Variants in PTK2 observed in about 807,000 individuals in gnomAD.
PTK2 encodes the protein focal adhesion kinase 1.
In PTK2, 45 loss-of-function variants were observed where a neutral mutation model predicts 150.1. That is an observed-to-expected ratio of 0.30 (90% CI 0.24 to 0.38). The LOEUF is 0.38. Ranked by LOEUF, PTK2 falls within the 10% of genes least tolerant of loss-of-function variation. PTK2 has a pLI of 1.00. For synonymous variants in PTK2, 432 were observed against 449.2 expected (o/e 0.96, Z 0.48); for missense variants, 919 against 1,307.3 (o/e 0.70, Z 4.58).
intron 16 of PTK2, among the ~76,000 whole-genome samples, chr8:140,752,954 C>T (rs557380171): frequency 1.1e-4 from 17 of 152,256 alleles, no homozygotes; most frequent in Middle Eastern, 6.8e-3. Context: ...CAGAGAGGAA[C>T]GGAGGGGCCA....
chr8:140,739,188 C>A, intron 20 of PTK2, 81 bp from the exon 24 acceptor site: 1 of 914,362 alleles, frequency 1.1e-6, no homozygotes, highest in Non-Finnish European at 1.6e-6. Flanking sequence ...TTTTCAGTAT[C>A]AAAGGAAAAA....
intron 22 of PTK2, among the ~76,000 whole-genome samples, chr8:140,731,148 C>T (rs1191457641): frequency 2.0e-5 from 3 of 152,030 alleles, no homozygotes; most frequent in Non-Finnish European, 4.4e-5. Flanking sequence ...TTAGTAGAGA[C>T]GGGGTTTCAC....
chr8:140,892,111 G>C (rs2100154452), intron 2 of PTK2, among the ~76,000 whole-genome samples: 1 of 152,236 alleles, frequency 6.6e-6, no homozygotes, highest in Admixed American at 6.5e-5. Context: ...AGGAGGCTAA[G>C]GTGGGAGGAT....
chr8:140,928,028 T>A (rs1443239334), intron 1 of PTK2, among the ~76,000 whole-genome samples: 1 of 137,508 alleles, frequency 7.3e-6, no homozygotes, highest in African/African-American at 2.7e-5. Flanking sequence ...CTAGTGTGGA[T>A]CTATCCCTCA....
chr8:140,690,833 A>G (rs1231195828), intron 26 of PTK2, among the ~76,000 whole-genome samples: 1 of 152,208 alleles, frequency 6.6e-6, no homozygotes, highest in Non-Finnish European at 1.5e-5. Flanking sequence ...TATCATCATA[A>G]AATAGACAAT....
intron 1 of PTK2, among the ~76,000 whole-genome samples, chr8:140,990,383 T>A (rs1418147756): frequency 6.6e-6 from 1 of 152,002 alleles, no homozygotes; most frequent in Non-Finnish European, 1.5e-5. Flanking sequence ...TATAGGCATG[T>A]ACCACCACAC....
Position 140,963,479 on chromosome 8 carries a change from C to A in PTK2, c.-122+37646G>T, listed in dbSNP as rs113839256. On this transcript the variant is annotated intron_variant, in intron 1 of 31. Coordinates refer to ENST00000522684, the Ensembl canonical transcript of PTK2. Reference sequence around the variant, plus strand: ...ATCTCTCACCCCTAAGATCCCTGCTCTCCAATTCTATGGCCATCCATTTAA... The same window carrying A: ...ATCTCTCACCCCTAAGATCCCTGCTATCCAATTCTATGGCCATCCATTTAA... 5.6e-3 allele frequency among the ~76,000 whole-genome samples: 854 copies of A among 152,306 alleles called. 11 individuals are homozygous for A. The highest frequency in any genetic ancestry group is 0.019 in the African/African-American group (780 of 41,562).
Position 140,847,365 on chromosome 8 carries a change from C to T in PTK2, c.451-687G>A, listed in dbSNP as rs2100126204. ...AGAATCTAATGGAATTCTTGAAATG[C>T]CTTCTAAACAATGAATCAACTCAAT... On this transcript the variant is annotated intron_variant, in intron 5 of 31. Coordinates refer to ENST00000522684, the Ensembl canonical transcript of PTK2. Among the ~76,000 whole-genome samples the T allele has an allele frequency of 2.0e-5, 3 of 152,238 alleles. No homozygotes were observed. The South Asian group carries it at 6.2e-4, about 32-fold the overall frequency.
At chr8:140,796,733 C>A (rs1301271458) in intron 12 of PTK2, among the ~76,000 whole-genome samples, 1 of 152,178 alleles carries the variant, frequency 6.6e-6, no homozygotes, top group Non-Finnish European at 1.5e-5. Context: ...TAAGGACTCA[C>A]TACCTAAAAT....
At chr8:140,754,839 C>T (rs553397470) in intron 16 of PTK2, among the ~76,000 whole-genome samples, 3 of 152,154 alleles carry the variant, frequency 2.0e-5, no homozygotes, top group Non-Finnish European at 2.9e-5. Flanking sequence ...TTACAGAGAT[C>T]GGACTGCTGG....
chr8:140,775,568 C>T (rs2100077943), intron 14 of PTK2, among the ~76,000 whole-genome samples: 1 of 152,006 alleles, frequency 6.6e-6, no homozygotes, highest in Non-Finnish European at 1.5e-5. Context: ...GTCTCTAACT[C>T]CTGGGCTCAA....
intron 16 of PTK2, among the ~76,000 whole-genome samples, chr8:140,755,732 T>C (rs1345632753): frequency 6.6e-6 from 1 of 152,124 alleles, no homozygotes; most frequent in Non-Finnish European, 1.5e-5. Context: ...CCCCACCACC[T>C]AGAAACAGTA....
chr8:140,665,065 A>AT (rs953777025), intron 30 of PTK2, 68 bp from the exon 35 acceptor site: 8 of 1,384,334 alleles, frequency 5.8e-6, no homozygotes, highest in Middle Eastern at 1.8e-4. Context: ...TCAGTTATAT[A>AT]TTTTTTTATT....
chr8:140,914,608 G>A (rs1224171109), intron 2 of PTK2, among the ~76,000 whole-genome samples: 2 of 151,618 alleles, frequency 1.3e-5, no homozygotes, highest in Admixed American at 6.6e-5. Flanking sequence ...CCCAGTGTCT[G>A]TTGTTCCCTT....
chr8:140,950,956 C>T (rs1368570196), intron 1 of PTK2, among the ~76,000 whole-genome samples: 1 of 151,832 alleles, frequency 6.6e-6, no homozygotes, highest in African/African-American at 2.4e-5. Flanking sequence ...TTAGGAGGTA[C>T]CTAATAATAT....
chr8:140,719,259 T>G (rs1300759230), intron 22 of PTK2, among the ~76,000 whole-genome samples: 2 of 152,212 alleles, frequency 1.3e-5, no homozygotes, highest in East Asian at 3.8e-4. Flanking sequence ...GATACGATTT[T>G]GGTTTCTTTC....
intron 1 of PTK2, among the ~76,000 whole-genome samples, chr8:140,934,182 T>G (rs74413767): frequency 0.02 from 2,979 of 152,300 alleles, 104 homozygotes; most frequent in African/African-American, 0.067. Flanking sequence ...TGTTTACAAT[T>G]ATAAGAAATT....
chr8:140,662,407 G>A (rs1003835733), intron 31 of PTK2, among the ~76,000 whole-genome samples: 1 of 152,192 alleles, frequency 6.6e-6, no homozygotes, highest in Non-Finnish European at 1.5e-5. Flanking sequence ...TAGAGTAGGT[G>A]TTGACAAATA....
intron 4 of PTK2, among the ~76,000 whole-genome samples, chr8:140,868,250 T>C (rs1322323905): frequency 1.3e-5 from 2 of 152,180 alleles, no homozygotes; most frequent in African/African-American, 2.4e-5. Context: ...CTAGTCCGTG[T>C]TTAGTGAAGT....
Sources: allele counts gnomAD v4.1 joint callset (sites outside exome capture counted in the v4.1 genomes callset), GRCh38; gene constraint gnomAD v4.1.1; transcripts MANE v1.5; gene names NCBI Gene and HGNC (gene_info 2026-07-23, HGNC 2026-07-21).